The following PTPRA variants were observed in gnomAD, a reference collection of about 807,000 sequenced individuals.
PTPRA encodes the protein receptor-type tyrosine-protein phosphatase alpha.
A neutral mutation model predicts 104.8 loss-of-function variants in PTPRA; 25 were observed. That is an observed-to-expected ratio of 0.24 (90% confidence interval 0.17 to 0.33). The LOEUF is 0.33. PTPRA is among the 10% of genes least tolerant of loss of function. The pLI is 1.00. For synonymous variants in PTPRA, 323 were observed against 368.9 expected (o/e 0.88, Z 1.43); for missense variants, 765 against 1,015.3 (o/e 0.75, Z 3.35).
At chr20:2,865,956 A>T in the PTPRA span, 3 of 537,206 alleles carry the variant, frequency 5.6e-6, no homozygotes, top group Non-Finnish European at 1.0e-5. This position sits in a 1 kb window ranked among gnomAD's most constrained non-coding sequence, Gnocchi z 5.2. Context: ...GCAAGGGGTA[A>T]TGGTGGGTGG....
rs116882160 is a variant in PTPRA, at chr20:2,879,817, C to T, written c.-129+6057C>T. 3.7e-3 allele frequency among the ~76,000 whole-genome samples: 559 copies of T among 152,264 alleles called. 3 individuals are homozygous for T. Among genetic ancestry groups the T allele is most frequent in the Non-Finnish European group, 6.9e-3 (470 of 68,016 alleles). ...GCTGTACAGGTTTGTAGCCTAGGAGCAGTAGGCTATACAATATAGCCTAGA... is the reference window on the plus strand; with the variant it reads ...GCTGTACAGGTTTGTAGCCTAGGAGTAGTAGGCTATACAATATAGCCTAGA... On this transcript the variant is annotated intron_variant, in intron 1 of 23. Coordinates refer to ENST00000399903, the MANE Select transcript of PTPRA (RefSeq NM_001385305.1).
At chr20:2,997,145 A>T (rs2148226039) in intron 9 of PTPRA, among the ~76,000 whole-genome samples, 1 of 152,082 alleles carries the variant, frequency 6.6e-6, no homozygotes, top group East Asian at 1.9e-4. Flanking sequence ...CATATGTGGG[A>T]TAATTTCATT....
At chr20:2,957,589 T>C (rs559784400) in intron 3 of PTPRA, among the ~76,000 whole-genome samples, 74 of 152,270 alleles carry the variant, frequency 4.9e-4, no homozygotes, top group African/African-American at 1.7e-3. Context: ...AACTTAATTG[T>C]GTTAAAAACT....
intron 1 of PTPRA, among the ~76,000 whole-genome samples, chr20:2,910,034 TATC>T (rs1387816528): frequency 4.9e-4 from 59 of 119,908 alleles, no homozygotes; most frequent in South Asian, 1.6e-3. Flanking sequence ...TCATATATCA[TATC>T]ATATATAATA....
At chr20:2,999,722 A>G (rs2063548411) in intron 9 of PTPRA, among the ~76,000 whole-genome samples, 1 of 152,240 alleles carries the variant, frequency 6.6e-6, no homozygotes, top group African/African-American at 2.4e-5. Flanking sequence ...TGCTGTAAAC[A>G]CTGAAATTTA....
chr20:2,973,952 A>ATTTT (rs540787644), intron 5 of PTPRA, among the ~76,000 whole-genome samples: 4 of 135,358 alleles, frequency 3.0e-5, no homozygotes, highest in African/African-American at 5.4e-5. Flanking sequence ...TGTTTGTCTG[A>ATTTT]TTTTTTTTTT....
At chr20:3,012,228 C>T (rs2064206777) in intron 11 of PTPRA, among the ~76,000 whole-genome samples, 1 of 152,108 alleles carries the variant, frequency 6.6e-6, no homozygotes, top group Admixed American at 6.5e-5. Flanking sequence ...GTAGTGTGAC[C>T]ACATTTACAT....
intron 17 of PTPRA, among the ~76,000 whole-genome samples, chr20:3,025,250 C>T (rs927357316): frequency 6.6e-6 from 1 of 151,784 alleles, no homozygotes; most frequent in African/African-American, 2.4e-5. Context: ...GTCAGGAGTT[C>T]CAGACCAGCC....
At chr20:2,948,930 T>A (rs6138959) in intron 3 of PTPRA, among the ~76,000 whole-genome samples, 1 of 151,820 alleles carries the variant, frequency 6.6e-6, no homozygotes, top group Non-Finnish European at 1.5e-5. Flanking sequence ...CCAGCCTGGG[T>A]GACAGAGCGA....
At chr20:2,865,004 G>A in the PTPRA span, 1 of 1,614,174 alleles carries the variant, frequency 6.2e-7, no homozygotes, top group Non-Finnish European at 8.5e-7. This position sits in a 1 kb window ranked among gnomAD's most constrained non-coding sequence, Gnocchi z 5.2. Context: ...TAGCAGCTCT[G>A]CAGACAGCCG....
At chr20:2,957,147 T>C (rs2061565492) in intron 3 of PTPRA, among the ~76,000 whole-genome samples, 1 of 152,132 alleles carries the variant, frequency 6.6e-6, no homozygotes, top group African/African-American at 2.4e-5. Flanking sequence ...TATCCAGGCG[T>C]GGTGGCGGGC....
At chr20:2,948,792 A>G (rs750587865) in intron 3 of PTPRA, among the ~76,000 whole-genome samples, 1 of 151,740 alleles carries the variant, frequency 6.6e-6, no homozygotes, top group African/African-American at 2.4e-5. Context: ...TGTACTAAAA[A>G]TAGAAAAAAA....
rs2065189380 is a variant in PTPRA at position 3,027,208 on chromosome 20, G to A, written c.1785+11G>A. 1.2e-6 allele frequency: 2 copies of A among 1,613,076 alleles called. No homozygotes were observed. Among genetic ancestry groups the A allele is most frequent in the Non-Finnish European group, 1.7e-6 (2 of 1,179,198 alleles). ...GCATCCTTTATTGATGTAAGTGGTGGGTGTGACCCCTGAGCCCCCAACACC... is the reference window on the plus strand; with the variant it reads ...GCATCCTTTATTGATGTAAGTGGTGAGTGTGACCCCTGAGCCCCCAACACC... On this transcript the variant is annotated intron_variant, in intron 19 of 23. Transcript: ENST00000399903.
intron 2 of PTPRA, among the ~76,000 whole-genome samples, chr20:2,932,511 G>A (rs1024708801): frequency 2.0e-5 from 3 of 152,116 alleles, no homozygotes; most frequent in African/African-American, 7.2e-5. Context: ...ATAATTTTAG[G>A]GGAAAGATCT....
chr20:3,034,500 C>T lies in PTPRA; in HGVS notation c.1921-1085C>T, dbSNP rs190490528. Among the ~76,000 whole-genome samples the T allele has an allele frequency of 2.0e-5, 3 of 152,146 alleles. 1 individual carries two copies. The highest frequency in any genetic ancestry group is 7.2e-5 in the African/African-American group (3 of 41,488). ...GTGGTAGCAAAATCCATTCCACCCA[C>T]CAGTGCCATAAAAACTAATATAATG... On this transcript the variant is annotated intron_variant, in intron 20 of 23. Coordinates refer to ENST00000399903, the MANE Select transcript of PTPRA (RefSeq NM_001385305.1).
At chr20:2,866,354 G>A in the PTPRA span, 1 of 1,614,122 alleles carries the variant, frequency 6.2e-7, no homozygotes, top group Non-Finnish European at 8.5e-7. Flanking sequence ...GGGTGGCTGA[G>A]CTGTGGGCTG....
Position 2,946,418 on chromosome 20 carries a change from A to G in PTPRA, c.-49-1564A>G, listed in dbSNP as rs73606190. ...ACAACAAAACAGAAGGAGAGAGGAAAAAGAGAGCAAACATGGAATTGGGAT... is the reference window on the plus strand; with the variant it reads ...ACAACAAAACAGAAGGAGAGAGGAAGAAGAGAGCAAACATGGAATTGGGAT... On this transcript the variant is annotated intron_variant, in intron 2 of 23. Transcript: ENST00000399903. 2.0e-5 allele frequency among the ~76,000 whole-genome samples: 3 copies of G among 152,328 alleles called. No homozygotes were observed. In the East Asian group the frequency reaches 5.8e-4, roughly 29 times the overall value.
At position 2,985,978 on chromosome 20, in the gene PTPRA, G is replaced by C. The variant is rs147423704; in HGVS notation, c.443-787G>C. On this transcript the variant is annotated intron_variant, in intron 6 of 23. Coordinates refer to ENST00000399903, the MANE Select transcript of PTPRA (RefSeq NM_001385305.1). ...AGGGTGGAGTGTAGTGTACAGGCCC[G>C]GCTCACTGTAATCTCCATCTCCTAA... 6.1e-3 allele frequency among the ~76,000 whole-genome samples: 924 copies of C among 152,008 alleles called. 7 individuals carry two copies. The highest frequency in any genetic ancestry group is 0.021 in the African/African-American group (889 of 41,452).
Position 3,038,326 on chromosome 20 carries a change from A to G in PTPRA, c.*193A>G. On this transcript the variant is annotated 3_prime_UTR_variant, in exon 24 of 24. Transcript: ENST00000399903. The stretch of plus-strand genomic sequence containing the variant: ...CTGATAGTCCTTTTTCCAATGTTTT[A>G]TTGGGGAATTAAATAGTGTGATGTT... The G allele has an allele frequency of 1.9e-6, 1 of 536,190 alleles. No homozygotes were observed. The highest frequency in any genetic ancestry group is 2.3e-5 in the South Asian group (1 of 43,278). 33.2% of individuals were successfully genotyped at this position (536,190 alleles called of 1,614,324 possible).
Sources: allele counts gnomAD v4.1 joint callset (sites outside exome capture counted in the v4.1 genomes callset), GRCh38; gene constraint gnomAD v4.1.1; non-coding constraint Gnocchi (gnomAD v3.1); transcripts MANE v1.5; gene names NCBI Gene and HGNC (gene_info 2026-07-23, HGNC 2026-07-21).